The following PMFBP1 variants were observed in gnomAD, a reference collection of about 807,000 sequenced individuals.
The protein encoded by PMFBP1 is polyamine modulated factor 1 binding protein 1, also known as polyamine-modulated factor 1-binding protein 1.
PMFBP1 carries 131 observed loss-of-function variants against 137.8 expected under a neutral mutation model. That is an observed-to-expected ratio of 0.95 (90% CI 0.82 to 1.10). PMFBP1 has a LOEUF of 1.10. Among genes scored for constraint, PMFBP1 ranks in the 50% least tolerant of loss-of-function variants. The probability of loss-of-function intolerance (pLI) is 0.00; values close to 1 mark genes in which losing one functional copy is unlikely to be tolerated. For synonymous variants in PMFBP1, 490 were observed against 450.4 expected (o/e 1.09, Z -1.11); for missense variants, 1,199 against 1,175.4 (o/e 1.02, Z -0.29).
In PMFBP1 at chr16:72,125,365, C is replaced by G. The variant is rs1218620656; in HGVS notation, c.2294G>C (p.Ser765Thr). The change falls in exon 16 of 21, where the codon AGC (serine) becomes ACC (threonine). Residue 765 changes from serine to threonine, a missense_variant. By Grantham distance (58) the Ser-to-Thr change is moderately conservative. Coordinates refer to ENST00000237353, the MANE Select transcript of PMFBP1 (RefSeq NM_031293.3). Reference protein sequence around the residue: ...VTSETKSLQQSLTQTQEKKAQ... With the variant: ...VTSETKSLQQTLTQTQEKKAQ... ...TTTCTTCTCTTGGGTCTGTGTCAAG[C>G]TTTGCTGCAGGCTCTTTGTCTCTGA... 3 of 1,613,752 alleles carry G rather than the reference C, an allele frequency of 1.9e-6. No homozygotes were observed. In the South Asian group the frequency reaches 3.3e-5, roughly 18 times the overall value.
chr16:72,175,554 C>T (rs186204066), upstream of PMFBP1, among the ~76,000 whole-genome samples: 46 of 152,312 alleles, frequency 3.0e-4, no homozygotes, highest in African/African-American at 1.1e-3. Context: ...CCGACTATTC[C>T]TTTTCCTTCA....
chr16:72,245,613 T>A, the PMFBP1 span, among the ~76,000 whole-genome samples: 1 of 152,204 alleles, frequency 6.6e-6, no homozygotes, highest in Non-Finnish European at 1.5e-5. Flanking sequence ...TGGCTGACGA[T>A]GGCTAATCTG....
the PMFBP1 span, among the ~76,000 whole-genome samples, chr16:72,220,458 A>T: frequency 5.3e-5 from 8 of 152,206 alleles, no homozygotes; most frequent in African/African-American, 1.7e-4. Flanking sequence ...GCCCATGAAT[A>T]GGAAAAAAAT....
At chr16:72,241,288 C>A in the PMFBP1 span, among the ~76,000 whole-genome samples, 1 of 152,158 alleles carries the variant, frequency 6.6e-6, no homozygotes, top group African/African-American at 2.4e-5. Context: ...CATCTCCCAG[C>A]TGTAATGAGG....
At chr16:72,152,410 G>C (rs113874230) in intron 4 of PMFBP1, among the ~76,000 whole-genome samples, 561 of 152,252 alleles carry the variant, frequency 3.7e-3, no homozygotes, top group South Asian at 0.01. Flanking sequence ...GAAACTAGCT[G>C]TTGCCATGTG....
intron 19 of PMFBP1, among the ~76,000 whole-genome samples, chr16:72,122,034 C>T (rs957971874): frequency 1.3e-5 from 2 of 151,944 alleles, no homozygotes; most frequent in Non-Finnish European, 2.9e-5. Flanking sequence ...CTTGTTTGCT[C>T]CTCTCCCTCC....
Position 72,129,154 on chromosome 16 carries a change from T to A in PMFBP1, c.1862A>T (p.Glu621Val). ...EATKLLEDKR[E>V]QLKKSKEHEK... ...ATGCTCTTTGCTCTTCTTCAACTGC[T>A]CCCGTTTGTCCTCCAGAAGCTTTGT... The change falls in exon 13 of 21, where the codon GAG becomes GTG. Residue 621 changes from glutamate to valine, a missense_variant. Physicochemically the swap from Glu to Val is moderately radical, Grantham distance 121. Transcript: ENST00000237353. The A allele has an allele frequency of 6.2e-7, 1 of 1,614,248 alleles. No homozygotes were observed. Among genetic ancestry groups the A allele is most frequent in the Non-Finnish European group, 8.5e-7 (1 of 1,180,046 alleles).
chr16:72,210,087 T>G, the PMFBP1 span, among the ~76,000 whole-genome samples: 1 of 152,204 alleles, frequency 6.6e-6, no homozygotes, highest in African/African-American at 2.4e-5. Flanking sequence ...AGTAGCCCCT[T>G]CCTTAAATTC....
At chr16:72,162,994 T>A (rs1037599648) in intron 3 of PMFBP1, among the ~76,000 whole-genome samples, 1 of 152,258 alleles carries the variant, frequency 6.6e-6, no homozygotes, top group Non-Finnish European at 1.5e-5. Flanking sequence ...TTGTTGGTAG[T>A]ATTTCTAGGA....
chr16:72,117,474 T>G (rs370620937), downstream of PMFBP1, among the ~76,000 whole-genome samples: 34 of 152,328 alleles, frequency 2.2e-4, 2 homozygotes, highest in Admixed American at 1.0e-3. Context: ...ATAATTTTAC[T>G]TCTTCCTTTC....
the PMFBP1 span, among the ~76,000 whole-genome samples, chr16:72,222,277 C>T: frequency 2.0e-5 from 3 of 152,132 alleles, no homozygotes; most frequent in Non-Finnish European, 4.4e-5. Flanking sequence ...TGGCATAACC[C>T]TGGCATGTTA....
chr16:72,205,476 T>C, the PMFBP1 span, among the ~76,000 whole-genome samples: 1 of 152,240 alleles, frequency 6.6e-6, no homozygotes, highest in Non-Finnish European at 1.5e-5. Context: ...ACAGCAAGAA[T>C]GCAAACAACC....
upstream of PMFBP1, among the ~76,000 whole-genome samples, chr16:72,174,308 C>T (rs943027168): frequency 6.6e-6 from 1 of 152,200 alleles, no homozygotes; most frequent in Admixed American, 6.5e-5. Flanking sequence ...GCAGAAAACA[C>T]AATCTTAGTT....
chr16:72,208,747 G>A, the PMFBP1 span, among the ~76,000 whole-genome samples: 11 of 152,298 alleles, frequency 7.2e-5, no homozygotes, highest in Admixed American at 2.0e-4. Context: ...CGTCTTGACC[G>A]CCTTAGTGTT....
At chr16:72,117,582 T>C (rs980304517), downstream of PMFBP1, among the ~76,000 whole-genome samples, 1 of 152,232 alleles carries the variant, frequency 6.6e-6, no homozygotes, top group African/African-American at 2.4e-5. Context: ...TCTTGCCTTA[T>C]TCCTGATCTT....
chr16:72,160,602 A>T (rs918026509), intron 3 of PMFBP1, among the ~76,000 whole-genome samples: 9 of 152,134 alleles, frequency 5.9e-5, no homozygotes, highest in African/African-American at 9.7e-5. Context: ...TTAAGAACCG[A>T]AAAGTCTCAC....
At chr16:72,151,478 T>G (rs1421070451) in intron 4 of PMFBP1, among the ~76,000 whole-genome samples, 2 of 152,208 alleles carry the variant, frequency 1.3e-5, no homozygotes, top group East Asian at 1.9e-4. Context: ...GGACATAAGA[T>G]TTAAAATGAA....
intron 14 of PMFBP1, among the ~76,000 whole-genome samples, chr16:72,127,909 G>A (rs2042486043): frequency 6.6e-6 from 1 of 152,154 alleles, no homozygotes; most frequent in Non-Finnish European, 1.5e-5. Context: ...AGGGAATAAG[G>A]GCTGCTTGGC....
intron 7 of PMFBP1, among the ~76,000 whole-genome samples, chr16:72,137,606 G>T (rs572907438): frequency 1.3e-5 from 2 of 152,168 alleles, no homozygotes; most frequent in African/African-American, 2.4e-5. Context: ...AGGCAAGTGC[G>T]GCTGGCACGG....
Sources: allele counts gnomAD v4.1 joint callset (sites outside exome capture counted in the v4.1 genomes callset), GRCh38; gene constraint gnomAD v4.1.1; transcripts MANE v1.5; gene names NCBI Gene and HGNC (gene_info 2026-07-23, HGNC 2026-07-21).